ZNF804B: variants seen among roughly 807,000 people sequenced by gnomAD.
ZNF804B encodes zinc finger protein 804B, also known as zinc finger 804B.
In ZNF804B, 80 loss-of-function variants were observed where a neutral mutation model predicts 101.4. That is an observed-to-expected ratio of 0.79 (90% CI 0.66 to 0.95). The LOEUF is 0.95. Among genes scored for constraint, ZNF804B ranks in the 40% least tolerant of loss-of-function variants. The pLI is 0.00. For synonymous variants in ZNF804B, 622 were observed against 558.8 expected (o/e 1.11, Z -1.59); for missense variants, 1,673 against 1,561.9 (o/e 1.07, Z -1.20).
At chr7:89,172,580 A>C (rs1386916608) in intron 1 of ZNF804B, among the ~76,000 whole-genome samples, 4 of 152,160 alleles carry the variant, frequency 2.6e-5, no homozygotes, top group Non-Finnish European at 5.9e-5. Flanking sequence ...TAAACTAAAA[A>C]TTTCTTTCTG....
Position 89,218,273 on chromosome 7 carries a change from C to G in ZNF804B, c.227C>G (p.Ser76Cys). The G allele has an allele frequency of 1.2e-6, 2 of 1,613,658 alleles. No homozygotes were observed. Among genetic ancestry groups the G allele is most frequent in the Non-Finnish European group, 1.7e-6 (2 of 1,179,772 alleles). ...CAGGAGTTTGACAATCATATTAATT[C>G]TTATGACCATGCTCATAAGCAGGTA... ...KHQEFDNHIN[S>C]YDHAHKQRLK... The change falls in exon 2 of 4, where the codon TCT (serine) becomes TGT (cysteine). Residue 76 changes from serine (S) to cysteine (C), a missense_variant. Coordinates refer to ENST00000333190, the MANE Select transcript of ZNF804B (RefSeq NM_181646.5).
intron 1 of ZNF804B, among the ~76,000 whole-genome samples, chr7:88,970,348 C>T (rs887917058): frequency 6.9e-6 from 1 of 144,030 alleles, no homozygotes; most frequent in Non-Finnish European, 1.5e-5. Context: ...TCTGATGCCC[C>T]CCCCCCACCC....
chr7:89,038,446 G>A (rs947923807), intron 1 of ZNF804B, among the ~76,000 whole-genome samples: 1 of 151,918 alleles, frequency 6.6e-6, no homozygotes, highest in Non-Finnish European at 1.5e-5. Flanking sequence ...ATATCTATTG[G>A]CCATCTGTAT....
intron 1 of ZNF804B, among the ~76,000 whole-genome samples, chr7:88,835,525 A>G (rs1354603639): frequency 6.6e-6 from 1 of 151,952 alleles, no homozygotes; most frequent in Non-Finnish European, 1.5e-5. Context: ...TGGCCAATGG[A>G]TAAAAATGTA....
intron 1 of ZNF804B, among the ~76,000 whole-genome samples, chr7:88,879,351 A>G (rs1377583312): frequency 6.6e-6 from 1 of 152,230 alleles, no homozygotes; most frequent in Non-Finnish European, 1.5e-5. Context: ...TTTATGCACA[A>G]AGTATAGAAA....
chr7:88,877,004 A>AG (rs1791949201), intron 1 of ZNF804B, among the ~76,000 whole-genome samples: 1 of 84,910 alleles, frequency 1.2e-5, no homozygotes, highest in African/African-American at 9.1e-5. Flanking sequence ...ATTTGAAAAA[A>AG]AAAATATATA....
At chr7:89,291,361 G>A (rs1412902354) in intron 2 of ZNF804B, among the ~76,000 whole-genome samples, 1 of 152,096 alleles carries the variant, frequency 6.6e-6, no homozygotes, top group African/African-American at 2.4e-5. Flanking sequence ...GTTGTTTTTA[G>A]TAAACTCATA....
intron 2 of ZNF804B, among the ~76,000 whole-genome samples, chr7:89,219,918 T>C (rs866782955): frequency 5.6e-5 from 8 of 142,246 alleles, no homozygotes; most frequent in South Asian, 2.2e-4. Context: ...CATATATATG[T>C]ATATACATAT....
Position 89,333,738 on chromosome 7 carries a change from C to T in ZNF804B, c.756C>T (p.Pro252=), listed in dbSNP as rs771609302. ...TEETHDCNKS[P]IYKTKQTADK... is the part of the protein sequence containing the mutation. ...AAACCCATGATTGTAACAAGTCACC[C>T]ATTTATAAAACAAAACAAACTGCAG... The change falls in exon 4 of 4, where the codon CCC becomes CCT. Residue 252 remains proline (P), a synonymous_variant. Transcript: ENST00000333190. 6.3e-5 allele frequency: 102 copies of T among 1,613,396 alleles called. No homozygotes were observed. Among genetic ancestry groups the T allele is most frequent in the Non-Finnish European group, 8.6e-5 (101 of 1,179,754 alleles).
intron 1 of ZNF804B, among the ~76,000 whole-genome samples, chr7:89,110,133 T>G (rs1271113834): frequency 2.0e-5 from 3 of 151,966 alleles, no homozygotes; most frequent in African/African-American, 7.2e-5. Context: ...TTCAGAAAAT[T>G]TTCAGTGGTA....
chr7:89,263,352 T>C (rs1789738228), intron 2 of ZNF804B, among the ~76,000 whole-genome samples: 1 of 138,076 alleles, frequency 7.2e-6, no homozygotes, highest in Admixed American at 7.1e-5. Context: ...TGCTTTGATA[T>C]GGCTTTTTTC....
chr7:88,925,282 G>T (rs1792779143), intron 1 of ZNF804B, among the ~76,000 whole-genome samples: 1 of 152,090 alleles, frequency 6.6e-6, no homozygotes, highest in Admixed American at 6.6e-5. Context: ...CACTGCCGAG[G>T]CGACTGCTGC....
At chr7:89,204,267 G>A (rs1352595833) in intron 1 of ZNF804B, among the ~76,000 whole-genome samples, 1 of 152,106 alleles carries the variant, frequency 6.6e-6, no homozygotes, top group African/African-American at 2.4e-5. Context: ...CCTGTCTAAT[G>A]CACAATAGAT....
chr7:89,226,622 G>A (rs1195537527), intron 2 of ZNF804B, among the ~76,000 whole-genome samples: 1 of 151,892 alleles, frequency 6.6e-6, no homozygotes, highest in Non-Finnish European at 1.5e-5. Context: ...CATAAAATGT[G>A]GTTATGCTAT....
chr7:88,884,909 G>A (rs751987887), intron 1 of ZNF804B, among the ~76,000 whole-genome samples: 8 of 151,782 alleles, frequency 5.3e-5, no homozygotes, highest in African/African-American at 1.2e-4. Flanking sequence ...TATTAGTCTC[G>A]TCCATTGAAT....
chr7:89,303,054 AGT>A (rs1790506661), intron 2 of ZNF804B, among the ~76,000 whole-genome samples: 1 of 151,912 alleles, frequency 6.6e-6, no homozygotes, highest in African/African-American at 2.4e-5. Flanking sequence ...ATTAAACCAA[AGT>A]GTAGTAAGTA....
intron 1 of ZNF804B, among the ~76,000 whole-genome samples, chr7:89,212,235 T>C (rs1788816049): frequency 6.9e-6 from 1 of 145,192 alleles, no homozygotes; most frequent in East Asian, 2.0e-4. Context: ...TTTTATAGTG[T>C]CACATGCATT....
chr7:88,785,225 T>C (rs1463047415), intron 1 of ZNF804B, among the ~76,000 whole-genome samples: 1 of 152,104 alleles, frequency 6.6e-6, no homozygotes, highest in African/African-American at 2.4e-5. Context: ...CCAATATTCT[T>C]GATCTTAGGG....
At chr7:88,957,131 T>A (rs368434160) in intron 1 of ZNF804B, among the ~76,000 whole-genome samples, 4 of 151,500 alleles carry the variant, frequency 2.6e-5, no homozygotes, top group Non-Finnish European at 4.4e-5. Flanking sequence ...TTTCTGTTTA[T>A]GAAAGGAAGC....
Sources: gnomAD v4.1 joint callset for allele counts (sites outside exome capture counted in the v4.1 genomes callset) on GRCh38, gnomAD v4.1.1 for gene constraint, MANE v1.5 for transcripts, NCBI Gene and HGNC (gene_info 2026-07-23, HGNC 2026-07-21) for gene names.